ADAMTS16: variants seen among roughly 807,000 people sequenced by gnomAD.
The protein encoded by ADAMTS16 is ADAM metallopeptidase with thrombospondin type 1 motif 16.
In ADAMTS16, 94 loss-of-function variants were observed where a neutral mutation model predicts 145.8. The ratio of observed to expected loss-of-function variants is 0.64; its 90% CI spans 0.55 to 0.77. The LOEUF (loss-of-function observed/expected upper bound fraction) is 0.77. Ranked by LOEUF, ADAMTS16 falls within the 30% of genes least tolerant of loss-of-function variation. ADAMTS16 has a pLI of 0.00. For synonymous variants in ADAMTS16, 659 were observed against 604.3 expected, an observed-to-expected ratio of 1.09 and a Z score of -1.33; for missense variants, 1,585 against 1,591.5, an observed-to-expected ratio of 1.00 and a Z score of 0.07.
At chr5:5,305,076 C>A (rs1740011976) in intron 20 of ADAMTS16, among the ~76,000 whole-genome samples, 1 of 70,594 alleles carries the variant, frequency 1.4e-5, no homozygotes, top group East Asian at 5.1e-4. Context: ...CACACACACA[C>A]ACACATCCCA....
intron 2 of ADAMTS16, 30 bp downstream of exon 2, chr5:5,140,796 C>T (rs768223498): frequency 2.6e-6 from 4 of 1,521,902 alleles, no homozygotes; most frequent in South Asian, 1.2e-5. Context: ...GCTTCTAATC[C>T]TTGCCATTTA....
rs930071542 is a variant in ADAMTS16 at position 5,176,604 on chromosome 5, G to A, written c.502-5440G>A. 3.9e-5 allele frequency among the ~76,000 whole-genome samples: 6 copies of A among 152,066 alleles called. No homozygotes were observed. The East Asian group carries it at 5.8e-4, about 15-fold the overall frequency. On this transcript the variant is annotated intron_variant, in intron 3 of 22. Coordinates refer to ENST00000274181, the MANE Select transcript of ADAMTS16 (RefSeq NM_139056.4). ...GAGGCTTCAGTGATGAGATTTTAAC[G>A]TACAAAAAAAATCACTGCTTCTCCT...
At chr5:5,147,205 T>C (rs987851289) in intron 3 of ADAMTS16, among the ~76,000 whole-genome samples, 1 of 152,158 alleles carries the variant, frequency 6.6e-6, no homozygotes, top group Non-Finnish European at 1.5e-5. Flanking sequence ...TTGGAGATTC[T>C]TAGATTCTTG....
chr5:5,306,599 GTGCTCA>G lies in ADAMTS16; in HGVS notation c.3283_3288del (p.Cys1095_Ser1096del). The G allele has an allele frequency of 6.2e-7, 1 of 1,614,212 alleles. No individual in the cohort carries two copies. Among genetic ancestry groups the G allele is most frequent in the South Asian group, 1.1e-5 (1 of 91,088 alleles). ...AGTATCGAGAGCTGGCCTCAAAGAA[GTGCTCA>G]CATTTGCCGAAGCCCAGCCTGGAGC... On this transcript the variant is annotated inframe_deletion, in exon 21 of 23. Transcript: ENST00000274181.
In ADAMTS16 at chr5:5,291,169, A is replaced by C. The variant is rs79622860; in HGVS notation, c.2790-12099A>C. Among the ~76,000 whole-genome samples, 888 of 152,306 alleles carry C rather than the reference A, an allele frequency of 5.8e-3. 7 individuals are homozygous for C. Among genetic ancestry groups the C allele is most frequent in the African/African-American group, 0.02 (826 of 41,562 alleles). On this transcript the variant is annotated intron_variant, in intron 18 of 22. Transcript: ENST00000274181. ...CCGGAAAATCACTGAGAGGCAATACAACAAAATTAATGTCTGTGTCTCTGT... is the reference window on the plus strand; with the variant it reads ...CCGGAAAATCACTGAGAGGCAATACCACAAAATTAATGTCTGTGTCTCTGT...
At position 5,306,569 on chromosome 5, in the gene ADAMTS16, T is replaced by C; in HGVS notation, c.3252T>C (p.Ser1084=). 2 of 1,614,250 alleles carry C rather than the reference T, an allele frequency of 1.2e-6. No homozygotes were observed. Among genetic ancestry groups the C allele is most frequent in the Non-Finnish European group, 1.7e-6 (2 of 1,180,060 alleles). The part of the protein sequence containing the change: ...RFLKCAEKYV[S]GKYRELASKK... ...TAAAATGTGCTGAAAAGTATGTTTC[T>C]GGAAAGTATCGAGAGCTGGCCTCAA... The change falls in exon 21 of 23, where the codon TCT becomes TCC. Residue 1084 remains serine, a synonymous_variant. Coordinates refer to ENST00000274181, the MANE Select transcript of ADAMTS16 (RefSeq NM_139056.4).
chr5:5,288,999 T>C (rs1399838522), intron 18 of ADAMTS16, among the ~76,000 whole-genome samples: 4 of 152,182 alleles, frequency 2.6e-5, no homozygotes, highest in Admixed American at 2.0e-4. Flanking sequence ...GGCTAATGCA[T>C]GTGAATGGGT....
intron 2 of ADAMTS16, among the ~76,000 whole-genome samples, chr5:5,142,913 C>T (rs1734203320): frequency 6.6e-6 from 1 of 152,138 alleles, no homozygotes; most frequent in Non-Finnish European, 1.5e-5. Flanking sequence ...GCATCTACAA[C>T]CACCTGATCT....
intron 13 of ADAMTS16, among the ~76,000 whole-genome samples, chr5:5,236,685 G>C (rs900200374): frequency 3.9e-5 from 6 of 151,908 alleles, no homozygotes; most frequent in Non-Finnish European, 8.8e-5. Context: ...TAATGTTGTA[G>C]CCAACAAATA....
At chr5:5,250,707 C>CTGTGTGTGTG (rs763835441) in intron 17 of ADAMTS16, among the ~76,000 whole-genome samples, 23,660 of 148,496 alleles carry the variant, frequency 0.16, 1,870 homozygotes, top group South Asian at 0.21. Context: ...TGTCTCTTCT[C>CTGTGTGTGTG]TCTGTGTGTG....
At chr5:5,161,280 C>T (rs571984969) in intron 3 of ADAMTS16, among the ~76,000 whole-genome samples, 1 of 152,188 alleles carries the variant, frequency 6.6e-6, no homozygotes, top group African/African-American at 2.4e-5. Flanking sequence ...CTTCTGCACT[C>T]TAAAATGGAT....
intron 10 of ADAMTS16, among the ~76,000 whole-genome samples, chr5:5,211,906 A>G (rs953224421): frequency 2.6e-5 from 4 of 152,166 alleles, no homozygotes; most frequent in Non-Finnish European, 4.4e-5. Context: ...TTCAGAGAAT[A>G]TACTCTACAT....
chr5:5,273,596 G>A (rs1738567267), intron 18 of ADAMTS16, among the ~76,000 whole-genome samples: 1 of 152,216 alleles, frequency 6.6e-6, no homozygotes, highest in South Asian at 2.1e-4. Flanking sequence ...ACCAGATCAG[G>A]TAGGAATGCC....
chr5:5,208,700 G>A (rs1293107596), intron 9 of ADAMTS16, among the ~76,000 whole-genome samples: 2 of 152,182 alleles, frequency 1.3e-5, no homozygotes, highest in East Asian at 3.9e-4. Context: ...CTTTGAAATA[G>A]AGTATGTTTT....
intron 18 of ADAMTS16, among the ~76,000 whole-genome samples, chr5:5,273,783 C>A (rs1292359147): frequency 6.6e-6 from 1 of 152,200 alleles, no homozygotes; most frequent in African/African-American, 2.4e-5. Context: ...CAAGTGATAA[C>A]TATAGACAAA....
At chr5:5,148,783 T>C (rs768489287) in intron 3 of ADAMTS16, among the ~76,000 whole-genome samples, 2 of 152,214 alleles carry the variant, frequency 1.3e-5, no homozygotes, top group Non-Finnish European at 2.9e-5. Context: ...GGCTGCAGCC[T>C]AGCAGACCTG....
At chr5:5,196,977 C>G (rs1053003533) in intron 8 of ADAMTS16, among the ~76,000 whole-genome samples, 1 of 152,200 alleles carries the variant, frequency 6.6e-6, no homozygotes, top group Non-Finnish European at 1.5e-5. Context: ...CTCAGTTCCC[C>G]GCAACTGCTG....
intron 3 of ADAMTS16, among the ~76,000 whole-genome samples, chr5:5,168,367 T>TATTA (rs1334735576): frequency 6.8e-6 from 1 of 146,558 alleles, no homozygotes; most frequent in Non-Finnish European, 1.5e-5. Flanking sequence ...TTATTATTAT[T>TATTA]ATTATTATTA....
rs562673637 is a variant in ADAMTS16, at chr5:5,295,389, G to T, written c.2790-7879G>T. 3.0e-5 allele frequency among the ~76,000 whole-genome samples: 4 copies of T among 133,162 alleles called. No individual in the cohort carries two copies. The South Asian group carries it at 1.1e-3, about 37-fold the overall frequency. 87.4% of individuals were successfully genotyped at this position (133,162 alleles called of 152,430 possible). A position where few individuals can be genotyped will look rare whatever the true frequency, so the allele number is the denominator to read the frequency against. On this transcript the variant is annotated intron_variant, in intron 18 of 22. Coordinates refer to ENST00000274181, the MANE Select transcript of ADAMTS16 (RefSeq NM_139056.4). ...ACAGCTCTTCTTTTCTAATGCTCAT[G>T]TTTCATAGAGCTACACCAAATTATA...
Sources: gnomAD v4.1 joint callset for allele counts (sites outside exome capture counted in the v4.1 genomes callset) on GRCh38, gnomAD v4.1.1 for gene constraint, MANE v1.5 for transcripts, NCBI Gene and HGNC (gene_info 2026-07-23, HGNC 2026-07-21) for gene names.